Variants in NKAIN3 observed in about 807,000 individuals in gnomAD.
NKAIN3 encodes sodium/potassium-transporting ATPase subunit beta-1-interacting protein 3.
A neutral mutation model predicts 30.2 loss-of-function variants in NKAIN3; 25 were observed. The ratio of observed to expected loss-of-function variants is 0.83; its 90% CI spans 0.60 to 1.16. The LOEUF is 1.16. NKAIN3 is among the 50% of genes most tolerant of loss of function. NKAIN3 has a pLI of 0.00. For missense variants in NKAIN3, 225 were observed against 254.1 expected (o/e 0.89, Z 0.78); for synonymous variants, 91 against 89.6 (o/e 1.02, Z -0.09).
At chr8:62,748,470 C>T (rs144427301) in intron 4 of NKAIN3, among the ~76,000 whole-genome samples, 1 of 152,298 alleles carries the variant, frequency 6.6e-6, no homozygotes, top group African/African-American at 2.4e-5. Flanking sequence ...TTGGCTACAG[C>T]AAATCTATGA....
intron 2 of NKAIN3, among the ~76,000 whole-genome samples, chr8:62,588,308 C>A (rs1434486504): frequency 6.6e-6 from 1 of 151,740 alleles, no homozygotes; most frequent in Non-Finnish European, 1.5e-5. Flanking sequence ...CCTGCATATA[C>A]CAAAAATCTC....
intron 3 of NKAIN3, among the ~76,000 whole-genome samples, chr8:62,667,363 A>ATATATATATAAATATATATATATATG (rs1554561921): frequency 1.1e-4 from 6 of 53,402 alleles, no homozygotes; most frequent in African/African-American, 6.4e-4. Flanking sequence ...ATATATCTGT[A>ATATATATATAAATATATATATATATG]TATATATATA....
intron 1 of NKAIN3, among the ~76,000 whole-genome samples, chr8:62,355,266 T>C (rs1816311382): frequency 6.6e-6 from 1 of 152,218 alleles, no homozygotes; most frequent in Non-Finnish European, 1.5e-5. Context: ...TAGATTCCTA[T>C]TTTCTGGAAA....
chr8:62,317,827 G>C (rs1814698110), intron 1 of NKAIN3, among the ~76,000 whole-genome samples: 1 of 152,178 alleles, frequency 6.6e-6, no homozygotes, highest in South Asian at 2.1e-4. Flanking sequence ...GTCATTGGTA[G>C]CTTGATGGGC....
chr8:62,506,023 A>G (rs767586220), intron 1 of NKAIN3, among the ~76,000 whole-genome samples: 293 of 152,004 alleles, frequency 1.9e-3, no homozygotes, highest in East Asian at 9.7e-4. Flanking sequence ...GTGTTGCATC[A>G]CTCTGATCAT....
intron 4 of NKAIN3, among the ~76,000 whole-genome samples, chr8:62,829,958 A>T (rs1259819413): frequency 6.6e-6 from 1 of 152,218 alleles, no homozygotes; most frequent in Non-Finnish European, 1.5e-5. Context: ...ATCTGCTTCA[A>T]ATTAACTTTG....
rs898451320 is a variant in NKAIN3, at chr8:62,970,267, G to GTATT, written c.*4864_*4867dup. 1.3e-5 allele frequency among the ~76,000 whole-genome samples: 2 copies of GTATT among 151,798 alleles called. No individual in the cohort carries two copies. The highest frequency in any genetic ancestry group is 4.8e-5 in the African/African-American group (2 of 41,336). ...GATATGTTTTAATTATTAGAAGAAGGTATTTATCAATAAAGAATTCTCAAA... is the reference window on the plus strand; with the variant it reads ...GATATGTTTTAATTATTAGAAGAAGGTATTTATTTATCAATAAAGAATTCTCAAA... On this transcript the variant is annotated 3_prime_UTR_variant, in exon 7 of 7. Coordinates refer to ENST00000623646, the MANE Select transcript of NKAIN3 (RefSeq NM_001304533.3).
At chr8:62,845,793 G>A (rs1314442614) in intron 4 of NKAIN3, among the ~76,000 whole-genome samples, 1 of 151,996 alleles carries the variant, frequency 6.6e-6, no homozygotes, top group Non-Finnish European at 1.5e-5. Flanking sequence ...AAAATGAGTG[G>A]CCTAGGGAAA....
intron 1 of NKAIN3, among the ~76,000 whole-genome samples, chr8:62,455,726 CAA>C (rs1438406387): frequency 1.8e-4 from 27 of 152,310 alleles, no homozygotes; most frequent in African/African-American, 6.5e-4. Context: ...AAGAAAATAT[CAA>C]AGTGTCCTTC....
At chr8:62,527,277 G>T (rs1808334056) in intron 1 of NKAIN3, among the ~76,000 whole-genome samples, 1 of 152,108 alleles carries the variant, frequency 6.6e-6, no homozygotes, top group African/African-American at 2.4e-5. Context: ...AGACAAATCA[G>T]ATTGACCATT....
At chr8:62,271,430 C>T (rs372558809) in intron 1 of NKAIN3, among the ~76,000 whole-genome samples, 1 of 152,122 alleles carries the variant, frequency 6.6e-6, no homozygotes, top group African/African-American at 2.4e-5. Context: ...GAGGAAGTAT[C>T]AAGGTGTTCC....
chr8:62,910,360 T>C (rs147628709), intron 4 of NKAIN3, among the ~76,000 whole-genome samples: 212 of 152,278 alleles, frequency 1.4e-3, no homozygotes, highest in African/African-American at 4.9e-3. Context: ...CATCTTCACA[T>C]ACATAGCTTG....
At chr8:62,490,721 C>T (rs566511681) in intron 1 of NKAIN3, among the ~76,000 whole-genome samples, 20 of 152,120 alleles carry the variant, frequency 1.3e-4, no homozygotes, top group Non-Finnish European at 2.4e-4. Flanking sequence ...CAGCCCATCA[C>T]GATGCCATCC....
chr8:62,948,977 A>G lies in NKAIN3; in HGVS notation c.533-4925A>G, dbSNP rs1489996706. On this transcript the variant is annotated intron_variant, in intron 5 of 6. Transcript: ENST00000623646. Reference sequence around the variant, plus strand: ...AAGTATCTATTCTGGATTTACCATAAGCAGCAAGCATTTCCATAAGAGAAG... The same window carrying G: ...AAGTATCTATTCTGGATTTACCATAGGCAGCAAGCATTTCCATAAGAGAAG... Among the ~76,000 whole-genome samples, 3 of 152,218 alleles carry G rather than the reference A, an allele frequency of 2.0e-5. No homozygotes were observed. The East Asian group carries it at 5.8e-4, about 29-fold the overall frequency.
chr8:62,257,836 G>GT (rs1320745451), intron 1 of NKAIN3, among the ~76,000 whole-genome samples: 4 of 151,924 alleles, frequency 2.6e-5, no homozygotes, highest in Non-Finnish European at 2.9e-5. Flanking sequence ...AATTGCTTTT[G>GT]TTTTTTTCAA....
intron 1 of NKAIN3, among the ~76,000 whole-genome samples, chr8:62,258,543 A>G (rs10094502): frequency 0.61 from 93,173 of 151,736 alleles, 28,791 homozygotes; most frequent in East Asian, 0.68. Flanking sequence ...TGTAGTCCCA[A>G]CTACTTGAGA....
At chr8:62,809,125 G>A (rs950024048) in intron 4 of NKAIN3, among the ~76,000 whole-genome samples, 1 of 152,130 alleles carries the variant, frequency 6.6e-6, no homozygotes, top group African/African-American at 2.4e-5. Context: ...CCAGCTCTCA[G>A]GTAGTCAGAC....
At chr8:62,263,048 A>T (rs1410376788) in intron 1 of NKAIN3, among the ~76,000 whole-genome samples, 1 of 152,346 alleles carries the variant, frequency 6.6e-6, no homozygotes, top group South Asian at 2.1e-4. Flanking sequence ...AAAACTCTGC[A>T]TGAATTCTAA....
At position 62,390,371 on chromosome 8, in the gene NKAIN3, TG is replaced by T. The variant is rs778868568; in HGVS notation, c.54+141245del. ...TCCAACCATGTTCCTGCAAAGGACATGAGCTTGTTCTTTTTTTGGGCTGCAT... is the reference window on the plus strand; with the variant it reads ...TCCAACCATGTTCCTGCAAAGGACATAGCTTGTTCTTTTTTTGGGCTGCAT... On this transcript the variant is annotated intron_variant, in intron 1 of 6. Transcript: ENST00000623646. Among the ~76,000 whole-genome samples, 4 of 152,306 alleles carry T rather than the reference TG, an allele frequency of 2.6e-5. No individual in the cohort carries two copies. The South Asian group carries it at 8.3e-4, about 32-fold the overall frequency.
Sources: gnomAD v4.1 joint callset for allele counts (sites outside exome capture counted in the v4.1 genomes callset) on GRCh38, gnomAD v4.1.1 for gene constraint, MANE v1.5 for transcripts, NCBI Gene and HGNC (gene_info 2026-07-23, HGNC 2026-07-21) for gene names.